The following CDH13 variants were observed in gnomAD, a reference collection of about 807,000 sequenced individuals.
CDH13 encodes cadherin 13, also known as cadherin-13.
A neutral mutation model predicts 63.8 loss-of-function variants in CDH13; 24 were observed. The observed-to-expected ratio is 0.38, with a 90% CI of 0.27 to 0.53. The LOEUF is 0.53. Ranked by LOEUF, CDH13 falls within the 20% of genes least tolerant of loss-of-function variation. CDH13 has a pLI of 0.85. For synonymous variants in CDH13, 503 were observed against 355.3 expected, an observed-to-expected ratio of 1.42 and a Z score of -4.67; for missense variants, 1,049 against 903.1, an observed-to-expected ratio of 1.16 and a Z score of -2.07.
chr16:83,591,431 C>T (rs559583221), intron 7 of CDH13, among the ~76,000 whole-genome samples: 1 of 152,220 alleles, frequency 6.6e-6, no homozygotes, highest in Non-Finnish European at 1.5e-5. Context: ...TGCTCCTAAC[C>T]AGCCATGTGC....
At chr16:83,776,333 A>G (rs1051407185) in intron 11 of CDH13, among the ~76,000 whole-genome samples, 3 of 152,226 alleles carry the variant, frequency 2.0e-5, no homozygotes, top group African/African-American at 7.2e-5. Flanking sequence ...AAAAAGAGAA[A>G]AATAATTTTT....
intron 1 of CDH13, among the ~76,000 whole-genome samples, chr16:82,673,922 G>C (rs1913590781): frequency 6.6e-6 from 1 of 152,190 alleles, no homozygotes; most frequent in African/African-American, 2.4e-5. Flanking sequence ...TGTGCTTTCT[G>C]CATCTTTAGT....
chr16:82,916,282 A>T (rs895246944), intron 2 of CDH13, among the ~76,000 whole-genome samples: 3 of 152,182 alleles, frequency 2.0e-5, no homozygotes, highest in Non-Finnish European at 4.4e-5. Flanking sequence ...ATTCAAATAA[A>T]AGGAAGACCC....
chr16:83,327,081 A>G (rs183383030), intron 5 of CDH13, among the ~76,000 whole-genome samples: 15 of 152,350 alleles, frequency 9.8e-5, no homozygotes, highest in East Asian at 1.9e-4. Flanking sequence ...GTCTATTTCC[A>G]TGACTTGTGT....
chr16:82,981,154 A>G (rs755665280), intron 2 of CDH13, among the ~76,000 whole-genome samples: 2 of 152,200 alleles, frequency 1.3e-5, no homozygotes, highest in Non-Finnish European at 2.9e-5. Flanking sequence ...ACTTTCACTT[A>G]GTGATTAAAA....
At chr16:83,563,181 T>A (rs6563932) in intron 7 of CDH13, among the ~76,000 whole-genome samples, 36,053 of 152,244 alleles carry the variant, frequency 0.24, 4,205 homozygotes, top group Admixed American at 0.28. Context: ...AAAAATGGCA[T>A]CTACCAGCTG....
intron 1 of CDH13, among the ~76,000 whole-genome samples, chr16:82,778,058 C>T (rs770593265): frequency 2.4e-4 from 36 of 152,182 alleles, no homozygotes; most frequent in Non-Finnish European, 2.9e-5. Flanking sequence ...AAGTCCACCC[C>T]ACCCTCAGTG....
chr16:82,953,601 C>G (rs1050542498), intron 2 of CDH13: 2 of 152,088 alleles, frequency 1.3e-5, no homozygotes, highest in Non-Finnish European at 2.9e-5. Context: ...TTATATGTGC[C>G]TTTGATTAAT....
chr16:83,045,573 G>T (rs1917700852), intron 3 of CDH13, among the ~76,000 whole-genome samples: 1 of 148,002 alleles, frequency 6.8e-6, no homozygotes, highest in Non-Finnish European at 1.5e-5. Context: ...GGAGGCAGAG[G>T]TCACAGTGAT....
At chr16:83,127,255 G>A (rs746340497) in intron 4 of CDH13, among the ~76,000 whole-genome samples, 17 of 152,284 alleles carry the variant, frequency 1.1e-4, no homozygotes, top group African/African-American at 3.1e-4. Context: ...GGGTTTCATC[G>A]TGCATGCAGC....
At chr16:82,818,798 C>T (rs1415295375) in intron 1 of CDH13, among the ~76,000 whole-genome samples, 4 of 152,314 alleles carry the variant, frequency 2.6e-5, no homozygotes, top group South Asian at 2.1e-4. Context: ...TCTGGTGTTG[C>T]ATTTGCGTAT....
chr16:82,703,208 C>A (rs760837258), intron 1 of CDH13, among the ~76,000 whole-genome samples: 29 of 88,196 alleles, frequency 3.3e-4, no homozygotes, highest in South Asian at 2.1e-3. Flanking sequence ...ATGTATACTA[C>A]ACACACACAC....
chr16:83,185,349 C>T (rs909370875), intron 4 of CDH13, among the ~76,000 whole-genome samples: 6 of 152,268 alleles, frequency 3.9e-5, no homozygotes, highest in African/African-American at 7.2e-5. Context: ...ACCTACTGCA[C>T]CTTGTAATTT....
intron 1 of CDH13, among the ~76,000 whole-genome samples, chr16:82,771,430 G>A (rs2035258666): frequency 6.6e-6 from 1 of 152,192 alleles, no homozygotes. Context: ...AAGGGTCTAG[G>A]TAGAGGCTGC....
At position 83,032,104 on chromosome 16, in the gene CDH13, G is replaced by A; in HGVS notation, c.252G>A (p.Leu84=). The A allele has an allele frequency of 6.2e-7, 1 of 1,613,324 alleles. No individual in the cohort carries two copies. The highest frequency in any genetic ancestry group is 1.3e-5 in the African/African-American group (1 of 75,024). ...ACAGCGATGGCGGCTTAGTTGCTCT[G>A]AGAAACATAACTGCAGTGGGCAAAA... is the stretch of plus-strand genomic sequence containing the variant. The part of the protein sequence containing the change: ...KVNSDGGLVA[L]RNITAVGKTL... Residue 84 remains leucine (L), a synonymous_variant, in exon 3 of 14, where the codon CTG becomes CTA. Coordinates refer to ENST00000567109, the MANE Select transcript of CDH13 (RefSeq NM_001257.5).
intron 6 of CDH13, among the ~76,000 whole-genome samples, chr16:83,440,805 G>T (rs987519014): frequency 1.3e-5 from 2 of 149,996 alleles, no homozygotes; most frequent in Non-Finnish European, 3.0e-5. Flanking sequence ...AAAAAAAAGC[G>T]GGGGAGGGAG....
chr16:83,743,600 T>C (rs1339893402), intron 10 of CDH13, among the ~76,000 whole-genome samples: 1 of 152,188 alleles, frequency 6.6e-6, no homozygotes, highest in Non-Finnish European at 1.5e-5. Flanking sequence ...ATTCAGTTTT[T>C]ATTTATCTTC....
chr16:83,300,622 A>T (rs753005466), intron 5 of CDH13, among the ~76,000 whole-genome samples: 1 of 152,206 alleles, frequency 6.6e-6, no homozygotes, highest in Non-Finnish European at 1.5e-5. Context: ...GGACAACATG[A>T]ATGTAGTTCT....
chr16:83,403,419 C>T (rs1201786356), intron 6 of CDH13, among the ~76,000 whole-genome samples: 3 of 152,074 alleles, frequency 2.0e-5, no homozygotes, highest in Admixed American at 1.3e-4. Context: ...GTCAGGAGAT[C>T]GAGAGCATCC....
Sources: gnomAD v4.1 joint callset for allele counts (sites outside exome capture counted in the v4.1 genomes callset) on GRCh38, gnomAD v4.1.1 for gene constraint, MANE v1.5 for transcripts, NCBI Gene and HGNC (gene_info 2026-07-23, HGNC 2026-07-21) for gene names.